The following C9orf78 variants were observed in gnomAD, a reference collection of about 807,000 sequenced individuals.
C9orf78 encodes the protein splicing factor C9orf78.
Under a neutral mutation model 37.4 loss-of-function variants are expected in C9orf78, and 19 were observed. The observed-to-expected ratio is 0.51, with a 90% CI of 0.35 to 0.74. C9orf78 has a LOEUF of 0.74. C9orf78 is among the 30% of genes least tolerant of loss of function. The pLI, the probability that C9orf78 is intolerant of heterozygous loss-of-function variation, is 0.01. For synonymous variants in C9orf78, 130 were observed against 128.0 expected (o/e 1.02, Z -0.10); for missense variants, 291 against 370.8 (o/e 0.78, Z 1.77).
Position 129,827,332 on chromosome 9 carries a change from AAC to A in C9orf78, c.*827_*828del, listed in dbSNP as rs1346487432. 5.3e-5 allele frequency: 8 copies of A among 152,324 alleles called. No individual in the cohort carries two copies. The highest frequency in any genetic ancestry group is 1.4e-4 in the African/African-American group (6 of 41,568). 9.4% of individuals were successfully genotyped at this position (152,324 alleles called of 1,614,324 possible). On this transcript the variant is annotated 3_prime_UTR_variant, in exon 9 of 9. Coordinates refer to ENST00000372447, the MANE Select transcript of C9orf78 (RefSeq NM_016520.3). Reference sequence around the variant, plus strand: ...TTTAATAATTCTAATAGTAATAAGAAACATAGTTTATGCTTTTTTTTTAATGA... The same window carrying A: ...TTTAATAATTCTAATAGTAATAAGAAATAGTTTATGCTTTTTTTTTAATGA...
rs746537716 is a variant in C9orf78 at position 129,829,286 on chromosome 9, T to C, written c.697A>G (p.Asn233Asp). The change falls in exon 8 of 9, where the codon AAC becomes GAC. Residue 233 changes from asparagine (N) to aspartate (D), a missense_variant. Around this residue, in one of 3 missense-constraint regions of C9orf78, gnomAD observed 120 missense variants for 148.7 expected, o/e 0.81. Transcript: ENST00000372447. ...TCTTTGTTTCTCCGTATGGGCGCGT[T>C]GAGCTCCTCATGATAAACTGGACCC... ...QHNRFYHEEL[N>D]APIRRNKEEP... The C allele has an allele frequency of 5.6e-6, 9 of 1,608,894 alleles. No homozygotes were observed. The highest frequency in any genetic ancestry group is 7.6e-6 in the Non-Finnish European group (9 of 1,177,602).
At position 129,835,253 on chromosome 9, in the gene C9orf78, G is replaced by A. The variant is rs757234139; in HGVS notation, c.-32C>T. ...AACGGCCGAGTTGTACAGCCGCCGC[G>A]CCTCTGCGCAGCGGCCCAGGCTGCT... On this transcript the variant is annotated 5_prime_UTR_variant, in exon 1 of 9. Transcript: ENST00000372447. The A allele has an allele frequency of 1.9e-6, 3 of 1,539,086 alleles. No homozygotes were observed. Among genetic ancestry groups the A allele is most frequent in the Middle Eastern group, 1.7e-4 (1 of 5,912 alleles).
rs2031491868 is a variant in C9orf78 at position 129,831,369 on chromosome 9, C to T, written c.345-301G>A. 1.9e-5 allele frequency: 8 copies of T among 410,662 alleles called. No individual in the cohort carries two copies. The South Asian group carries it at 2.7e-4, about 14-fold the overall frequency. 25.4% of individuals were successfully genotyped at this position (410,662 alleles called of 1,614,324 possible). ...AAGTGGGCAAGCCCATGTTTTATCC[C>T]TGCAATGTTTTGGGGAAATATTACT... On this transcript the variant is annotated intron_variant, in intron 5 of 8. Transcript: ENST00000372447.
Position 129,835,239 on chromosome 9 carries a change from T to C in C9orf78, c.-18A>G, listed in dbSNP as rs1026020421. ...ACCGGCATGGTGACAACGGCCGAGTTGTACAGCCGCCGCGCCTCTGCGCAG... is the reference window on the plus strand; with the variant it reads ...ACCGGCATGGTGACAACGGCCGAGTCGTACAGCCGCCGCGCCTCTGCGCAG... On this transcript the variant is annotated 5_prime_UTR_variant, in exon 1 of 9. Transcript: ENST00000372447. 3.8e-6 allele frequency: 6 copies of C among 1,589,116 alleles called. No homozygotes were observed. Among genetic ancestry groups the C allele is most frequent in the South Asian group, 1.1e-5 (1 of 90,624 alleles).
At chr9:129,833,754 G>A (rs2031587946) in intron 2 of C9orf78, 45 bp from the exon 3 acceptor site, 4 of 1,415,618 alleles carry the variant, frequency 2.8e-6, no homozygotes, top group Non-Finnish European at 4.0e-6. Flanking sequence ...GAGAGAAATG[G>A]CATAATTCAG....
intron 1 of C9orf78, 144 bp from the exon 2 acceptor site, chr9:129,834,910 T>G: frequency 1.4e-6 from 1 of 715,738 alleles, no homozygotes; most frequent in Admixed American, 2.4e-5. Flanking sequence ...GACGACCTTG[T>G]GCCTAGACCC....
rs2031377026 is a variant in C9orf78, at chr9:129,827,787, T to TTTC, written c.*373_*374insGAA. 1.2e-5 allele frequency: 1 copy of TTTC among 85,744 alleles called. No homozygotes were observed. Among genetic ancestry groups the TTTC allele is most frequent in the African/African-American group, 4.2e-5 (1 of 23,600 alleles). 5.3% of individuals were successfully genotyped at this position (85,744 alleles called of 1,614,324 possible). A position where few individuals can be genotyped will look rare whatever the true frequency, so the allele number is the denominator to read the frequency against. On this transcript the variant is annotated 3_prime_UTR_variant, in exon 9 of 9. Coordinates refer to ENST00000372447, the MANE Select transcript of C9orf78 (RefSeq NM_016520.3). ...CTGGAAGCCATTTTTCTTTTTCTTT[T>TTTC]TTTTTTTTTTTTTTTTTTTTGAGAC...
chr9:129,831,568 G>A (rs1588223658), intron 5 of C9orf78: 2 of 262,160 alleles, frequency 7.6e-6, no homozygotes, highest in Admixed American at 5.0e-5. Flanking sequence ...GGGATTACAG[G>A]TGCCCACTAC....
At position 129,827,876 on chromosome 9, in the gene C9orf78, C is replaced by T. The variant is rs961205958; in HGVS notation, c.*285G>A. ...TGCAATCTCGGCTCACCACAACCTC[C>T]GCCTCTTGGGTTCAAGCAATTCTCC... is the stretch of plus-strand genomic sequence containing the variant. On this transcript the variant is annotated 3_prime_UTR_variant, in exon 9 of 9. Transcript: ENST00000372447. The T allele has an allele frequency of 3.2e-5, 6 of 189,330 alleles. No individual in the cohort carries two copies. The highest frequency in any genetic ancestry group is 6.0e-5 in the Admixed American group (1 of 16,696). The allele number at this position is 189,330 out of a possible 1,614,324, so 11.7% of individuals were successfully genotyped here.
At chr9:129,832,395 C>T (rs1346742302) in intron 4 of C9orf78, among the ~76,000 whole-genome samples, 3 of 152,168 alleles carry the variant, frequency 2.0e-5, no homozygotes, top group Admixed American at 1.3e-4. Context: ...CACAAAAGTA[C>T]ACAGTAAACT....
rs371156739 is a variant in C9orf78 at position 129,828,124 on chromosome 9, G to A, written c.*37C>T. The A allele has an allele frequency of 5.3e-5, 64 of 1,217,676 alleles. 1 individual carries two copies. Among genetic ancestry groups the A allele is most frequent in the Non-Finnish European group, 7.6e-5 (63 of 824,692 alleles). The allele number at this position is 1,217,676 out of a possible 1,614,324, so 75.4% of individuals were successfully genotyped here. ...CCATTTTTCATGGGAGGGATATAGG[G>A]AGAGGAAGGCGATATTTACATCCCA... is the stretch of plus-strand genomic sequence containing the variant. On this transcript the variant is annotated 3_prime_UTR_variant, in exon 9 of 9. Coordinates refer to ENST00000372447, the MANE Select transcript of C9orf78 (RefSeq NM_016520.3).
chr9:129,831,265 T>A, intron 5 of C9orf78, 197 bp from the exon 6 acceptor site: 1 of 594,514 alleles, frequency 1.7e-6, no homozygotes, highest in South Asian at 2.0e-5. Flanking sequence ...GTCCCACTAA[T>A]CTATTGGTGT....
rs1233762578 is a variant in C9orf78, at chr9:129,835,268, C to T, written c.-47G>A. ...CAGCCGCCGCGCCTCTGCGCAGCGG[C>T]CCAGGCTGCTTCCGGCGCGCGGCAG... On this transcript the variant is annotated 5_prime_UTR_variant, in exon 1 of 9. Transcript: ENST00000372447. The T allele has an allele frequency of 1.4e-6, 2 of 1,413,370 alleles. No homozygotes were observed. Among genetic ancestry groups the T allele is most frequent in the Admixed American group, 1.9e-5 (1 of 52,414 alleles). 87.6% of individuals were successfully genotyped at this position (1,413,370 alleles called of 1,614,324 possible). A position where few individuals can be genotyped will look rare whatever the true frequency, so the allele number is the denominator to read the frequency against.
intron 5 of C9orf78, chr9:129,831,399 A>G (rs533957471): frequency 3.1e-6 from 1 of 325,730 alleles, no homozygotes; most frequent in Non-Finnish European, 5.6e-6. Context: ...ATTACTAGTC[A>G]TGAAACCACC....
In C9orf78 at chr9:129,835,251, G is replaced by C. The variant is rs1284374885; in HGVS notation, c.-30C>G. The C allele has an allele frequency of 3.9e-6, 6 of 1,540,274 alleles. No individual in the cohort carries two copies. Among genetic ancestry groups the C allele is most frequent in the Non-Finnish European group, 5.3e-6 (6 of 1,125,352 alleles). On this transcript the variant is annotated 5_prime_UTR_variant, in exon 1 of 9. Coordinates refer to ENST00000372447, the MANE Select transcript of C9orf78 (RefSeq NM_016520.3). ...ACAACGGCCGAGTTGTACAGCCGCC[G>C]CGCCTCTGCGCAGCGGCCCAGGCTG... is the stretch of plus-strand genomic sequence containing the variant.
intron 1 of C9orf78, 56 bp downstream of exon 1, chr9:129,835,083 G>A (rs1462461076): frequency 7.5e-7 from 1 of 1,326,036 alleles, no homozygotes; most frequent in South Asian, 1.2e-5. Context: ...CCGGTGGTGA[G>A]TCCCCCAAAC....
At chr9:129,834,878 C>T (rs1333007151) in intron 1 of C9orf78, 112 bp from the exon 2 acceptor site, 2 of 856,298 alleles carry the variant, frequency 2.3e-6, no homozygotes, top group African/African-American at 3.3e-5. Flanking sequence ...AGCTACTGAG[C>T]CACCAGCACA....
chr9:129,831,193 AT>A (rs895223949), intron 5 of C9orf78, 125 bp from the exon 6 acceptor site: 1 of 682,194 alleles, frequency 1.5e-6, no homozygotes, highest in Non-Finnish European at 2.6e-6. Flanking sequence ...GAGAAAAAAA[AT>A]AACTTGAGTT....
At chr9:129,833,406 C>T in intron 4 of C9orf78, 41 bp downstream of exon 4, 2 of 1,213,244 alleles carry the variant, frequency 1.6e-6, no homozygotes, top group Non-Finnish European at 2.5e-6. Context: ...CCCAGGCAGC[C>T]GCTAAAGGTG....
Sources: gnomAD v4.1 joint callset for allele counts (sites outside exome capture counted in the v4.1 genomes callset) on GRCh38, gnomAD v4.1.1 for gene constraint, gnomAD v4.1.1 regional missense constraint, MANE v1.5 for transcripts, NCBI Gene and HGNC (gene_info 2026-07-23, HGNC 2026-07-21) for gene names.